HHAT: variants seen among roughly 807,000 people sequenced by gnomAD.
HHAT encodes the protein hedgehog acyltransferase, also known as protein-cysteine N-palmitoyltransferase HHAT.
Under a neutral mutation model 70.8 loss-of-function variants are expected in HHAT, and 47 were observed. The ratio of observed to expected loss-of-function variants is 0.66; its 90% CI spans 0.53 to 0.85. The LOEUF is 0.85. Among genes scored for constraint, HHAT ranks in the 40% least tolerant of loss-of-function variants. The probability of loss-of-function intolerance (pLI) is 0.00; values close to 1 mark genes in which losing one functional copy is unlikely to be tolerated. For synonymous variants in HHAT, 228 were observed against 247.6 expected, an observed-to-expected ratio of 0.92 and a Z score of 0.74; for missense variants, 609 against 604.8, an observed-to-expected ratio of 1.01 and a Z score of -0.07.
chr1:210,599,018 C>T (rs1019315678), intron 10 of HHAT, among the ~76,000 whole-genome samples: 2 of 152,060 alleles, frequency 1.3e-5, no homozygotes, highest in South Asian at 2.1e-4. Flanking sequence ...TGAACATTCA[C>T]GCAAATACTT....
At chr1:210,590,273 C>G (rs1450182381) in intron 10 of HHAT, 2 of 152,084 alleles carry the variant, frequency 1.3e-5, no homozygotes, top group Admixed American at 6.6e-5. Flanking sequence ...TTAGGTTACC[C>G]TTCTTCCCTC....
chr1:210,349,579 G>T (rs942569318), intron 2 of HHAT, among the ~76,000 whole-genome samples: 3 of 151,826 alleles, frequency 2.0e-5, no homozygotes, highest in Non-Finnish European at 2.9e-5. Context: ...CAACTGGCCA[G>T]CACTGAGTCC....
chr1:210,508,019 G>A (rs532601354), intron 8 of HHAT, among the ~76,000 whole-genome samples: 3 of 151,444 alleles, frequency 2.0e-5, no homozygotes, highest in Admixed American at 2.0e-4. Flanking sequence ...CTCACATGGT[G>A]AAACCCCATC....
At chr1:210,558,959 T>G (rs2095597373) in intron 9 of HHAT, among the ~76,000 whole-genome samples, 1 of 152,222 alleles carries the variant, frequency 6.6e-6, no homozygotes, top group Non-Finnish European at 1.5e-5. Context: ...AGTTTCTGTT[T>G]ATTTCATAGT....
At chr1:210,333,761 A>G (rs1177201600) in intron 1 of HHAT, among the ~76,000 whole-genome samples, 3 of 151,882 alleles carry the variant, frequency 2.0e-5, no homozygotes, top group East Asian at 1.9e-4. Context: ...GAGTTCAAGC[A>G]ATTCTCATGC....
intron 8 of HHAT, 66 bp downstream of exon 8, chr1:210,464,721 C>T (rs2094061630): frequency 1.3e-6 from 2 of 1,568,812 alleles, no homozygotes; most frequent in Non-Finnish European, 1.7e-6. Flanking sequence ...CTGGGCCGGC[C>T]TCAAAGGGTT....
intron 7 of HHAT, among the ~76,000 whole-genome samples, chr1:210,425,446 A>T (rs2093034052): frequency 6.6e-6 from 1 of 151,928 alleles, no homozygotes; most frequent in South Asian, 2.1e-4. Context: ...TATTGCCTAG[A>T]TTGTCTTCCA....
At chr1:210,513,064 A>G (rs2094987140) in intron 8 of HHAT, 89 bp from the exon 9 acceptor site, 2 of 790,320 alleles carry the variant, frequency 2.5e-6, no homozygotes, top group Non-Finnish European at 4.2e-6. Context: ...TAGTCATACT[A>G]TGAATTTAAA....
intron 8 of HHAT, among the ~76,000 whole-genome samples, chr1:210,499,535 C>T (rs1012900117): frequency 2.6e-5 from 4 of 151,990 alleles, no homozygotes; most frequent in Admixed American, 6.6e-5. Flanking sequence ...CCCAGCTACT[C>T]GGGAGGCTGA....
chr1:210,480,814 T>C (rs1034167709), intron 8 of HHAT, among the ~76,000 whole-genome samples: 4 of 152,164 alleles, frequency 2.6e-5, no homozygotes, highest in African/African-American at 9.7e-5. Context: ...TATTCCTTTA[T>C]TTTCCTGGAT....
intron 9 of HHAT, among the ~76,000 whole-genome samples, chr1:210,544,867 AGG>A (rs2095469288): frequency 6.6e-6 from 1 of 152,184 alleles, no homozygotes; most frequent in Non-Finnish European, 1.5e-5. Context: ...ACCAGATGGC[AGG>A]AGTTATCTCT....
chr1:210,460,934 CAA>C (rs879911703), intron 7 of HHAT, among the ~76,000 whole-genome samples: 2 of 152,246 alleles, frequency 1.3e-5, no homozygotes, highest in East Asian at 1.9e-4. Flanking sequence ...GAATGAATGT[CAA>C]AAGAGTGTGT....
chr1:210,510,902 C>T (rs554103842), intron 8 of HHAT, among the ~76,000 whole-genome samples: 97 of 152,272 alleles, frequency 6.4e-4, no homozygotes, highest in African/African-American at 2.2e-3. Flanking sequence ...CTGTGATTCC[C>T]GGAATAGAGT....
At chr1:210,485,897 G>C (rs2148499225) in intron 8 of HHAT, among the ~76,000 whole-genome samples, 1 of 152,252 alleles carries the variant, frequency 6.6e-6, no homozygotes, top group Admixed American at 6.5e-5. Flanking sequence ...GTCTCAGACT[G>C]TATGCCCTGT....
At chr1:210,665,493 C>T (rs939336463) in intron 11 of HHAT, among the ~76,000 whole-genome samples, 1 of 152,142 alleles carries the variant, frequency 6.6e-6, no homozygotes, top group Non-Finnish European at 1.5e-5. Context: ...AAGGTCATAG[C>T]GCTGTTCAGC....
chr1:210,616,572 C>T (rs151307096), intron 10 of HHAT, among the ~76,000 whole-genome samples: 897 of 152,238 alleles, frequency 5.9e-3, no homozygotes, highest in Non-Finnish European at 8.5e-3. Flanking sequence ...GATACATGCA[C>T]GACATATTTG....
chr1:210,431,207 GA>G (rs2148324797), intron 7 of HHAT, among the ~76,000 whole-genome samples: 1 of 151,810 alleles, frequency 6.6e-6, no homozygotes, highest in African/African-American at 2.4e-5. Context: ...GTTTTGAGGG[GA>G]CACACAGGCA....
intron 9 of HHAT, among the ~76,000 whole-genome samples, chr1:210,582,955 AT>A (rs1659602740): frequency 6.6e-6 from 1 of 152,362 alleles, no homozygotes; most frequent in African/African-American, 2.4e-5. Flanking sequence ...TTAATAAAAC[AT>A]CAGTGGATGT....
chr1:210,373,214 A>C (rs563695899), intron 3 of HHAT, among the ~76,000 whole-genome samples: 62 of 152,258 alleles, frequency 4.1e-4, no homozygotes, highest in African/African-American at 1.4e-3. Flanking sequence ...TATAAGTGCC[A>C]TAACAAGACT....
Sources: gnomAD v4.1 joint callset for allele counts (sites outside exome capture counted in the v4.1 genomes callset) on GRCh38, gnomAD v4.1.1 for gene constraint, MANE v1.5 for transcripts, NCBI Gene and HGNC (gene_info 2026-07-23, HGNC 2026-07-21) for gene names.